Variants in LINGO2 observed in about 807,000 individuals in gnomAD.
The protein encoded by LINGO2 is leucine rich repeat and Ig domain containing 2.
Under a neutral mutation model 30.6 loss-of-function variants are expected in LINGO2, and 14 were observed. That is an observed-to-expected ratio of 0.46 (90% CI 0.30 to 0.72). The LOEUF (loss-of-function observed/expected upper bound fraction) is 0.72, where lower values mean the gene tolerates loss of function less well. Among genes scored for constraint, LINGO2 ranks in the 30% least tolerant of loss-of-function variants. The probability of loss-of-function intolerance (pLI) is 0.07; values close to 1 mark genes in which losing one functional copy is unlikely to be tolerated. For synonymous variants in LINGO2, 317 were observed against 288.5 expected, an observed-to-expected ratio of 1.10 and a Z score of -1.00; for missense variants, 729 against 751.7, an observed-to-expected ratio of 0.97 and a Z score of 0.35.
At chr9:28,287,881 C>CGGTTTTAA (rs1157032596) in intron 4 of LINGO2, among the ~76,000 whole-genome samples, 38 of 152,238 alleles carry the variant, frequency 2.5e-4, no homozygotes, top group Non-Finnish European at 5.0e-4. Context: ...GTTTTAAAGT[C>CGGTTTTAA]AGTTTTATAA....
the LINGO2 span, among the ~76,000 whole-genome samples, chr9:29,085,372 T>C: frequency 7.0e-6 from 1 of 143,402 alleles, no homozygotes; most frequent in South Asian, 2.2e-4. Context: ...ACAAAAATAA[T>C]GATAAAATAA....
chr9:29,028,428 G>GA, the LINGO2 span, among the ~76,000 whole-genome samples: 1 of 3,822 alleles, frequency 2.6e-4, no homozygotes, highest in South Asian at 4.2e-3. Context: ...GTGGGGGGGG[G>GA]TGAGAGAGAG....
intron 2 of LINGO2, among the ~76,000 whole-genome samples, chr9:28,394,602 A>G (rs545321546): frequency 6.6e-6 from 1 of 152,358 alleles, no homozygotes; most frequent in South Asian, 2.1e-4. Flanking sequence ...AAGATAGGTG[A>G]TTAACCTTTC....
chr9:28,483,568 G>A (rs757442835), intron 1 of LINGO2, among the ~76,000 whole-genome samples: 1 of 151,518 alleles, frequency 6.6e-6, no homozygotes, highest in Non-Finnish European at 1.5e-5. Context: ...GATAAAAAAA[G>A]AACTGTAACT....
At chr9:28,753,172 C>G in the LINGO2 span, among the ~76,000 whole-genome samples, 55,698 of 151,748 alleles carry the variant, frequency 0.37, 12,983 homozygotes, top group East Asian at 0.69. Flanking sequence ...CAGGTCTACA[C>G]TTATACTCCA....
chr9:29,088,256 C>G, the LINGO2 span, among the ~76,000 whole-genome samples: 1 of 152,128 alleles, frequency 6.6e-6, no homozygotes, highest in Non-Finnish European at 1.5e-5. Flanking sequence ...TTCCTATGAT[C>G]CACGCCATCT....
At chr9:29,192,977 T>G in the LINGO2 span, among the ~76,000 whole-genome samples, 1 of 152,214 alleles carries the variant, frequency 6.6e-6, no homozygotes. Flanking sequence ...TATGCAACTT[T>G]GTGCCCAGGG....
rs777575770 is a variant in LINGO2 at position 28,200,516 on chromosome 9, A to G, written c.-87+94692T>C. 1.6e-4 allele frequency among the ~76,000 whole-genome samples: 25 copies of G among 152,150 alleles called. 1 individual carries two copies. Among genetic ancestry groups the G allele is most frequent in the Non-Finnish European group, 3.1e-4 (21 of 68,026 alleles). On this transcript the variant is annotated intron_variant, in intron 4 of 5. Transcript: ENST00000379992. The stretch of plus-strand genomic sequence containing the variant: ...AGTTCTCTTAAGGAAAAAAAAAAAT[A>G]ACCATTTACATATGGCTTTAAGAAT...
chr9:28,005,662 G>A (rs1474215397), intron 5 of LINGO2, among the ~76,000 whole-genome samples: 1 of 152,098 alleles, frequency 6.6e-6, no homozygotes, highest in Non-Finnish European at 1.5e-5. Flanking sequence ...TGTTGGTGGT[G>A]ATTTCAGTCT....
the LINGO2 span, among the ~76,000 whole-genome samples, chr9:28,945,362 ACATAGTTCTTCC>A: frequency 6.6e-6 from 1 of 152,208 alleles, no homozygotes. Flanking sequence ...TTTTATTTTT[ACATAGTTCTTCC>A]ATTAACTTTT....
chr9:28,093,603 T>C (rs1245477737), intron 4 of LINGO2, among the ~76,000 whole-genome samples: 2 of 152,104 alleles, frequency 1.3e-5, no homozygotes, highest in African/African-American at 4.8e-5. Context: ...AGACACATTA[T>C]GACACCTTTT....
chr9:28,553,177 G>A (rs1398319703), intron 1 of LINGO2, among the ~76,000 whole-genome samples: 1 of 152,092 alleles, frequency 6.6e-6, no homozygotes, highest in Non-Finnish European at 1.5e-5. Flanking sequence ...AGAGAAGAAG[G>A]CTTCAGACGA....
chr9:27,982,276 C>G lies in LINGO2; in HGVS notation c.-36+30079G>C, dbSNP rs770845662. Among the ~76,000 whole-genome samples the G allele has an allele frequency of 4.0e-4, 60 of 151,692 alleles. 1 individual carries two copies. The highest frequency in any genetic ancestry group is 2.0e-4 in the Admixed American group (3 of 15,186). On this transcript the variant is annotated intron_variant, in intron 5 of 5. Transcript: ENST00000379992. ...GCTCTCAATTGCCTCATAAATACAC[C>G]ACACATAATTTATAAATCAGCCGGA...
At chr9:28,157,597 A>T (rs989957187) in intron 4 of LINGO2, among the ~76,000 whole-genome samples, 1 of 152,000 alleles carries the variant, frequency 6.6e-6, no homozygotes, top group African/African-American at 2.4e-5. Context: ...TCAGAAAATG[A>T]TTTTTTTCTT....
Position 28,335,143 on chromosome 9 carries a change from T to C in LINGO2, c.-246+37693A>G, listed in dbSNP as rs567896951. Among the ~76,000 whole-genome samples the C allele has an allele frequency of 2.6e-5, 4 of 152,312 alleles. No individual in the cohort carries two copies. In the South Asian group the frequency reaches 6.2e-4, roughly 24 times the overall value. ...AATTCTGATCTACACTCTCCATCTC[T>C]TCTGAGGCAGAGGATCAATGCTGAG... On this transcript the variant is annotated intron_variant, in intron 3 of 5. Transcript: ENST00000379992.
intron 4 of LINGO2, among the ~76,000 whole-genome samples, chr9:28,040,627 G>A (rs1295556473): frequency 1.3e-5 from 2 of 152,012 alleles, no homozygotes; most frequent in African/African-American, 2.4e-5. Flanking sequence ...TACTGCTGCT[G>A]TTGGCTATAA....
At position 28,220,349 on chromosome 9, in the gene LINGO2, T is replaced by C. The variant is rs570900855; in HGVS notation, c.-87+74859A>G. Among the ~76,000 whole-genome samples the C allele has an allele frequency of 1.1e-4, 17 of 152,256 alleles. 1 individual carries two copies. The highest frequency in any genetic ancestry group is 3.4e-4 in the African/African-American group (14 of 41,564). On this transcript the variant is annotated intron_variant, in intron 4 of 5. Coordinates refer to ENST00000379992, the Ensembl canonical transcript of LINGO2. ...GTATAATACTGGCTTTCAGAACAGGTTCACCATTTAAAATCATCTTGTTTG... is the reference window on the plus strand; with the variant it reads ...GTATAATACTGGCTTTCAGAACAGGCTCACCATTTAAAATCATCTTGTTTG...
chr9:28,300,682 C>T (rs568181381), intron 3 of LINGO2, among the ~76,000 whole-genome samples: 101 of 151,978 alleles, frequency 6.6e-4, no homozygotes, highest in African/African-American at 2.4e-3. Flanking sequence ...CCCTTCCATC[C>T]TTCTTTCCTT....
chr9:28,209,863 A>C (rs1410238853), intron 4 of LINGO2, among the ~76,000 whole-genome samples: 1 of 151,922 alleles, frequency 6.6e-6, no homozygotes, highest in East Asian at 1.9e-4. Context: ...CAGATAAGTA[A>C]ACAGATTCAT....
Sources: allele counts gnomAD v4.1 joint callset (sites outside exome capture counted in the v4.1 genomes callset), GRCh38; gene constraint gnomAD v4.1.1; transcripts MANE v1.5; gene names NCBI Gene and HGNC (gene_info 2026-07-23, HGNC 2026-07-21).